The following LRRC4C variants were observed in gnomAD, a reference collection of about 807,000 sequenced individuals.
The protein encoded by LRRC4C is leucine-rich repeat-containing protein 4C.
In LRRC4C, 5 loss-of-function variants were observed where a neutral mutation model predicts 33.6. That is an observed-to-expected ratio of 0.15 (90% CI 0.08 to 0.31). The LOEUF is 0.31. LRRC4C is among the 10% of genes least tolerant of loss of function. The pLI is 1.00. For synonymous variants in LRRC4C, 329 were observed against 302.0 expected (o/e 1.09, Z -0.93); for missense variants, 560 against 796.7 (o/e 0.70, Z 3.58).
chr11:40,502,639 CACA>C (rs1171934546), intron 3 of LRRC4C, among the ~76,000 whole-genome samples: 2 of 152,090 alleles, frequency 1.3e-5, no homozygotes, highest in East Asian at 1.9e-4. Context: ...TGGTCCCTCC[CACA>C]ACACGTGAGA....
chr11:40,949,130 A>G (rs867056588), intron 1 of LRRC4C, among the ~76,000 whole-genome samples: 79 of 151,790 alleles, frequency 5.2e-4, no homozygotes, highest in African/African-American at 1.8e-3. Flanking sequence ...GATGGTGAGC[A>G]TTTTTTCACG....
At chr11:40,702,389 T>A (rs6485221) in intron 2 of LRRC4C, among the ~76,000 whole-genome samples, 80,212 of 151,928 alleles carry the variant, frequency 0.53, 21,376 homozygotes, top group African/African-American at 0.58. Context: ...TAACTTCTGA[T>A]TTAAGTTTGC....
chr11:40,865,961 A>G (rs987771332), intron 2 of LRRC4C, among the ~76,000 whole-genome samples: 6 of 151,844 alleles, frequency 4.0e-5, no homozygotes, highest in Admixed American at 2.6e-4. Context: ...TTTTTAATCT[A>G]TTGGATGAAA....
intron 4 of LRRC4C, among the ~76,000 whole-genome samples, chr11:40,299,309 A>G (rs1944660844): frequency 2.6e-5 from 4 of 152,174 alleles, no homozygotes; most frequent in Admixed American, 2.6e-4. Context: ...TGGCTCACAG[A>G]TGTGTGCCAA....
chr11:41,396,611 A>G lies in LRRC4C; in HGVS notation c.-496+62820T>C, dbSNP rs566397511. Among the ~76,000 whole-genome samples the G allele has an allele frequency of 4.6e-5, 7 of 152,102 alleles. No individual in the cohort carries two copies. The East Asian group carries it at 9.7e-4, about 21-fold the overall frequency. On this transcript the variant is annotated intron_variant, in intron 1 of 6. Coordinates refer to ENST00000528697, the MANE Select transcript of LRRC4C (RefSeq NM_001258419.2). Reference sequence around the variant, plus strand: ...AACTTTATGATATGGGTAGTTTTTTAACTTTTATTTTAAATTCAGGGGTAA... The same window carrying G: ...AACTTTATGATATGGGTAGTTTTTTGACTTTTATTTTAAATTCAGGGGTAA...
intron 1 of LRRC4C, among the ~76,000 whole-genome samples, chr11:41,080,500 T>G (rs1819342892): frequency 6.6e-6 from 1 of 151,930 alleles, no homozygotes; most frequent in African/African-American, 2.4e-5. Context: ...TACAGGCATG[T>G]GCCACTATGC....
intron 1 of LRRC4C, among the ~76,000 whole-genome samples, chr11:41,332,876 G>T (rs1373283882): frequency 6.6e-6 from 1 of 152,118 alleles, no homozygotes; most frequent in African/African-American, 2.4e-5. Context: ...TGAATAAAAA[G>T]TCCATCTCTG....
chr11:41,153,030 C>T (rs1020806789), intron 1 of LRRC4C, among the ~76,000 whole-genome samples: 1 of 152,186 alleles, frequency 6.6e-6, no homozygotes, highest in Non-Finnish European at 1.5e-5. Context: ...CTACCACCAA[C>T]TCCATCTCAT....
intron 1 of LRRC4C, among the ~76,000 whole-genome samples, chr11:41,284,970 A>G (rs1949779135): frequency 6.6e-6 from 1 of 152,198 alleles, no homozygotes; most frequent in Admixed American, 6.5e-5. Context: ...GGCTCTAATC[A>G]TTTAGTTTCA....
intron 2 of LRRC4C, among the ~76,000 whole-genome samples, chr11:40,846,726 T>G (rs560022601): frequency 6.6e-6 from 1 of 152,352 alleles, no homozygotes; most frequent in Admixed American, 6.5e-5. Flanking sequence ...GGAATAGCAT[T>G]GAATCTATAA....
chr11:41,362,196 T>C (rs1214235837), intron 1 of LRRC4C, among the ~76,000 whole-genome samples: 1 of 152,140 alleles, frequency 6.6e-6, no homozygotes, highest in Admixed American at 6.6e-5. Flanking sequence ...AAATTCAAGA[T>C]CTCACAACCC....
At chr11:41,236,615 A>G (rs12273450) in intron 1 of LRRC4C, among the ~76,000 whole-genome samples, 5,589 of 152,104 alleles carry the variant, frequency 0.037, 146 homozygotes, top group African/African-American at 0.068. Context: ...TGTAGGGGGA[A>G]CAAGTGATAT....
chr11:40,251,282 A>G (rs1436613171), intron 4 of LRRC4C, among the ~76,000 whole-genome samples: 1 of 152,170 alleles, frequency 6.6e-6, no homozygotes, highest in Non-Finnish European at 1.5e-5. Context: ...TTGCTTCTGT[A>G]AAAAGGAGGT....
chr11:41,440,258 G>T (rs2138518721), intron 1 of LRRC4C, among the ~76,000 whole-genome samples: 1 of 151,896 alleles, frequency 6.6e-6, no homozygotes, highest in African/African-American at 2.4e-5. Context: ...AATATTTTTG[G>T]AAAAAAGGAG....
At chr11:40,931,407 T>C (rs1196392664) in intron 2 of LRRC4C, among the ~76,000 whole-genome samples, 1 of 152,204 alleles carries the variant, frequency 6.6e-6, no homozygotes, top group Non-Finnish European at 1.5e-5. Flanking sequence ...CACGTGTGCA[T>C]GCATGTGTTC....
chr11:40,329,474 G>T (rs1946250399), intron 3 of LRRC4C, among the ~76,000 whole-genome samples: 1 of 152,118 alleles, frequency 6.6e-6, no homozygotes, highest in Non-Finnish European at 1.5e-5. Context: ...TGAGACGACT[G>T]GGCAGGAATC....
intron 1 of LRRC4C, among the ~76,000 whole-genome samples, chr11:41,398,921 C>T (rs1953923806): frequency 6.6e-6 from 1 of 152,030 alleles, no homozygotes; most frequent in East Asian, 1.9e-4. Flanking sequence ...GCCACTTTGT[C>T]TATTTACCTT....
intron 1 of LRRC4C, among the ~76,000 whole-genome samples, chr11:41,379,614 C>T (rs770918155): frequency 2.6e-5 from 4 of 151,992 alleles, no homozygotes; most frequent in Non-Finnish European, 5.9e-5. Context: ...TAGCCTTGAG[C>T]CTACCCAGGG....
intron 3 of LRRC4C, among the ~76,000 whole-genome samples, chr11:40,434,147 A>G (rs75868230): frequency 0.036 from 5,542 of 152,204 alleles, 338 homozygotes; most frequent in African/African-American, 0.13. Flanking sequence ...TAGCACTCTC[A>G]TGGTCCCCCA....
Sources: gnomAD v4.1 joint callset for allele counts (sites outside exome capture counted in the v4.1 genomes callset) on GRCh38, gnomAD v4.1.1 for gene constraint, MANE v1.5 for transcripts, NCBI Gene and HGNC (gene_info 2026-07-23, HGNC 2026-07-21) for gene names.